Variants in CNIH3 observed in about 807,000 individuals in gnomAD.
CNIH3 encodes the protein protein cornichon homolog 3.
CNIH3 carries 14 observed loss-of-function variants against 24.1 expected under a neutral mutation model. That is an observed-to-expected ratio of 0.58 (90% CI 0.38 to 0.91). The LOEUF (loss-of-function observed/expected upper bound fraction) is 0.91. CNIH3 is among the 40% of genes least tolerant of loss of function. The pLI, the probability that CNIH3 is intolerant of heterozygous loss-of-function variation, is 0.00. For synonymous variants in CNIH3, 68 were observed against 73.8 expected (o/e 0.92, Z 0.40); for missense variants, 178 against 196.8 (o/e 0.90, Z 0.57).
At chr1:224,519,886 C>T (rs1678555220) in intron 1 of CNIH3, among the ~76,000 whole-genome samples, 1 of 152,030 alleles carries the variant, frequency 6.6e-6, no homozygotes, top group South Asian at 2.1e-4. Flanking sequence ...TTTTGTCAGT[C>T]ACAGTAGACC....
At chr1:224,622,053 A>G (rs1170561598) in intron 1 of CNIH3, among the ~76,000 whole-genome samples, 1 of 152,154 alleles carries the variant, frequency 6.6e-6, no homozygotes, top group Non-Finnish European at 1.5e-5. Flanking sequence ...TGCCATGATC[A>G]TGAGGCCTCC....
intron 4 of CNIH3, among the ~76,000 whole-genome samples, chr1:224,580,167 A>G (rs1185977299): frequency 6.6e-6 from 1 of 152,132 alleles, no homozygotes; most frequent in Admixed American, 6.5e-5. Flanking sequence ...GGGAGTATCT[A>G]ACTATATCTT....
At chr1:224,592,148 C>T (rs1423333797), downstream of CNIH3, among the ~76,000 whole-genome samples, 34 of 150,822 alleles carry the variant, frequency 2.3e-4, no homozygotes, top group South Asian at 2.5e-3. Flanking sequence ...TGTGTGTGTA[C>T]GGTATGTGTG....
At chr1:224,434,927 G>C (rs2102933090) in intron 1 of CNIH3, 1 of 985,884 alleles carries the variant, frequency 1.0e-6, no homozygotes, top group Middle Eastern at 5.2e-4. Context: ...GGGGTCAGGG[G>C]AGGGAGGCCA....
chr1:224,511,153 T>C (rs1171248813), upstream of CNIH3, among the ~76,000 whole-genome samples: 1 of 152,218 alleles, frequency 6.6e-6, no homozygotes, highest in East Asian at 1.9e-4. Context: ...GCAGATGCTA[T>C]AGGTTTCTTC....
intron 3 of CNIH3, among the ~76,000 whole-genome samples, chr1:224,706,907 T>A (rs939752615): frequency 6.6e-6 from 1 of 152,032 alleles, no homozygotes; most frequent in Non-Finnish European, 1.5e-5. Flanking sequence ...CATATTATTA[T>A]GTACTTTAAA....
chr1:224,518,843 A>G (rs1353403834), intron 1 of CNIH3, among the ~76,000 whole-genome samples: 1 of 152,234 alleles, frequency 6.6e-6, no homozygotes, highest in African/African-American at 2.4e-5. Context: ...TTTCGAGTTT[A>G]GTCCTCCTTT....
At chr1:224,471,632 C>T (rs944200624) in intron 1 of CNIH3, among the ~76,000 whole-genome samples, 4 of 151,532 alleles carry the variant, frequency 2.6e-5, no homozygotes, top group African/African-American at 9.7e-5. Context: ...GCTCTGTCAC[C>T]CAGGCTGGAG....
chr1:224,538,559 C>T (rs1471906067), downstream of CNIH3, among the ~76,000 whole-genome samples: 1 of 152,116 alleles, frequency 6.6e-6, no homozygotes, highest in African/African-American at 2.4e-5. Context: ...CCCAGTACCC[C>T]ATCCTTTAGC....
downstream of CNIH3, chr1:224,537,378 C>T (rs1679327980): frequency 6.6e-6 from 1 of 152,242 alleles, no homozygotes. Context: ...GATCATTCCT[C>T]TACCCACCCC....
chr1:224,516,682 G>A (rs960155091), intron 1 of CNIH3, among the ~76,000 whole-genome samples: 1 of 152,236 alleles, frequency 6.6e-6, no homozygotes, highest in Admixed American at 6.5e-5. Flanking sequence ...CCTGGCCCCT[G>A]CATGGGTCTG....
At chr1:224,591,664 C>T (rs548043733), downstream of CNIH3, among the ~76,000 whole-genome samples, 32 of 152,300 alleles carry the variant, frequency 2.1e-4, no homozygotes, top group African/African-American at 7.2e-4. Flanking sequence ...CTCAGAGGCT[C>T]AAGCTGTCAG....
chr1:224,562,727 C>T (rs1423460231), intron 3 of CNIH3, among the ~76,000 whole-genome samples: 8 of 152,006 alleles, frequency 5.3e-5, no homozygotes, highest in Admixed American at 4.6e-4. Context: ...GCATGACACC[C>T]CTCCCCTCAC....
intron 2 of CNIH3, among the ~76,000 whole-genome samples, chr1:224,527,593 C>G (rs1678894420): frequency 6.6e-6 from 1 of 152,060 alleles, no homozygotes. Context: ...TACTAAAACC[C>G]TACGATGGAA....
downstream of CNIH3, among the ~76,000 whole-genome samples, chr1:224,591,827 ATCTG>A (rs1407536917): frequency 6.6e-6 from 1 of 152,174 alleles, no homozygotes; most frequent in African/African-American, 2.4e-5. Context: ...TTGGTGCCTG[ATCTG>A]TCTATCATTT....
intron 1 of CNIH3, among the ~76,000 whole-genome samples, chr1:224,650,858 A>G (rs2125104342): frequency 6.6e-6 from 1 of 152,162 alleles, no homozygotes; most frequent in South Asian, 2.1e-4. Context: ...AATTCAGGCA[A>G]AGCTCCTCAC....
In CNIH3 at chr1:224,663,078, A is replaced by G. The variant is rs1189637732; in HGVS notation, c.82-17880A>G. Reference sequence around the variant, plus strand: ...GCAATTACTTTTGCACCAACTTAATACTAATCAGTCCTGACACTTTTTAGA... The same window carrying G: ...GCAATTACTTTTGCACCAACTTAATGCTAATCAGTCCTGACACTTTTTAGA... On this transcript the variant is annotated intron_variant, in intron 1 of 5. Transcript: ENST00000272133. 5.9e-5 allele frequency among the ~76,000 whole-genome samples: 9 copies of G among 152,204 alleles called. No homozygotes were observed. In the East Asian group the frequency reaches 1.5e-3, roughly 26 times the overall value.
At chr1:224,719,866 T>C (rs896140245) in intron 3 of CNIH3, among the ~76,000 whole-genome samples, 1 of 152,256 alleles carries the variant, frequency 6.6e-6, no homozygotes, top group Non-Finnish European at 1.5e-5. Context: ...ATTAATTTGC[T>C]AAATCAGAGT....
rs574326404 is a variant in CNIH3 at position 224,640,405 on chromosome 1, G to A, written c.81+23150G>A. Among the ~76,000 whole-genome samples the A allele has an allele frequency of 1.1e-3, 163 of 152,284 alleles. 3 individuals carry two copies. The highest frequency in any genetic ancestry group is 3.8e-3 in the African/African-American group (157 of 41,548). ...CACTGCTCCCAGCCCTTCAACAACA[G>A]TTGCCCTGAGAGGCAATTTGAAGCA... On this transcript the variant is annotated intron_variant, in intron 1 of 5. Transcript: ENST00000272133.
Sources: allele counts gnomAD v4.1 joint callset (sites outside exome capture counted in the v4.1 genomes callset), GRCh38; gene constraint gnomAD v4.1.1; transcripts MANE v1.5; gene names NCBI Gene and HGNC (gene_info 2026-07-23, HGNC 2026-07-21).